PPP1R9A: variants seen among roughly 807,000 people sequenced by gnomAD.
PPP1R9A encodes the protein neurabin-1.
A neutral mutation model predicts 141.9 loss-of-function variants in PPP1R9A; 59 were observed. That is an observed-to-expected ratio of 0.42 (90% confidence interval 0.34 to 0.52). The LOEUF (loss-of-function observed/expected upper bound fraction) is 0.52, where lower values mean the gene tolerates loss of function less well. PPP1R9A is among the 20% of genes least tolerant of loss of function. PPP1R9A has a pLI of 0.10. For synonymous variants in PPP1R9A, 500 were observed against 569.7 expected, an observed-to-expected ratio of 0.88 and a Z score of 1.74; for missense variants, 1,444 against 1,611.9, an observed-to-expected ratio of 0.90 and a Z score of 1.78.
At chr7:95,022,903 G>A (rs1303573535) in intron 2 of PPP1R9A, among the ~76,000 whole-genome samples, 1 of 152,106 alleles carries the variant, frequency 6.6e-6, no homozygotes, top group Non-Finnish European at 1.5e-5. Context: ...GAGGATTTTA[G>A]CATCAATGTT....
intron 12 of PPP1R9A, among the ~76,000 whole-genome samples, chr7:95,259,177 T>G (rs1332045087): frequency 6.6e-6 from 1 of 152,074 alleles, no homozygotes; most frequent in Non-Finnish European, 1.5e-5. Context: ...AGGGATAAAT[T>G]TATGGAATAA....
At chr7:94,959,749 A>C (rs1475922621) in intron 2 of PPP1R9A, among the ~76,000 whole-genome samples, 1 of 151,714 alleles carries the variant, frequency 6.6e-6, no homozygotes, top group Non-Finnish European at 1.5e-5. Context: ...CTGTCACTCT[A>C]ATAGGTCATA....
At chr7:95,082,040 G>T (rs996156794) in intron 2 of PPP1R9A, among the ~76,000 whole-genome samples, 1 of 152,144 alleles carries the variant, frequency 6.6e-6, no homozygotes, top group African/African-American at 2.4e-5. Flanking sequence ...TGTTTGACCT[G>T]TGTGGTGATT....
intron 6 of PPP1R9A, among the ~76,000 whole-genome samples, 193 bp from the exon 7 acceptor site, chr7:95,203,472 C>T (rs990705157): frequency 6.6e-6 from 1 of 152,062 alleles, no homozygotes; most frequent in Admixed American, 6.5e-5. Flanking sequence ...TGTAAATAGA[C>T]TTTATACTGT....
At chr7:95,023,603 G>A (rs1286326565) in intron 2 of PPP1R9A, among the ~76,000 whole-genome samples, 1 of 152,028 alleles carries the variant, frequency 6.6e-6, no homozygotes, top group Non-Finnish European at 1.5e-5. Context: ...GCCCAGGCTG[G>A]AGTGCAGTGG....
chr7:95,181,197 A>T (rs1392212926), intron 5 of PPP1R9A, among the ~76,000 whole-genome samples: 2 of 131,566 alleles, frequency 1.5e-5, no homozygotes, highest in African/African-American at 2.6e-5. Context: ...TATATATAGA[A>T]TATATATAGA....
At chr7:95,094,571 A>G (rs972430884) in intron 2 of PPP1R9A, among the ~76,000 whole-genome samples, 2 of 152,068 alleles carry the variant, frequency 1.3e-5, no homozygotes, top group Non-Finnish European at 2.9e-5. Flanking sequence ...AGTGAGTAGA[A>G]CAAGAATCCT....
At chr7:95,085,167 C>A (rs1038511393) in intron 2 of PPP1R9A, among the ~76,000 whole-genome samples, 1 of 151,858 alleles carries the variant, frequency 6.6e-6, no homozygotes, top group African/African-American at 2.4e-5. Context: ...GTTTATTAAC[C>A]ATTAGATTTT....
At chr7:95,240,711 G>A (rs922239633) in intron 8 of PPP1R9A, among the ~76,000 whole-genome samples, 1 of 151,914 alleles carries the variant, frequency 6.6e-6, no homozygotes, top group Non-Finnish European at 1.5e-5. Context: ...CTTATTAAAT[G>A]TTTAGTCTTC....
intron 8 of PPP1R9A, among the ~76,000 whole-genome samples, chr7:95,240,430 A>C (rs1797279773): frequency 6.6e-6 from 1 of 151,462 alleles, no homozygotes; most frequent in African/African-American, 2.4e-5. Context: ...TTTTTCTAGA[A>C]ATACTGTCAT....
At chr7:95,020,641 A>G (rs1001142563) in intron 2 of PPP1R9A, among the ~76,000 whole-genome samples, 2 of 151,832 alleles carry the variant, frequency 1.3e-5, no homozygotes, top group Non-Finnish European at 2.9e-5. Context: ...TCCCCCAGAC[A>G]GGCCCCTTCT....
At chr7:95,242,190 C>A (rs1797553423) in intron 8 of PPP1R9A, among the ~76,000 whole-genome samples, 1 of 152,114 alleles carries the variant, frequency 6.6e-6, no homozygotes, top group Non-Finnish European at 1.5e-5. Context: ...TTAAAAACAG[C>A]TTTGATTTCT....
At chr7:95,258,361 GTTGT>G (rs1799923677) in intron 12 of PPP1R9A, among the ~76,000 whole-genome samples, 2 of 152,070 alleles carry the variant, frequency 1.3e-5, no homozygotes. Flanking sequence ...TTTTGATGAG[GTTGT>G]TTGTTTTTTT....
intron 2 of PPP1R9A, among the ~76,000 whole-genome samples, chr7:94,951,351 G>A (rs2151031276): frequency 6.6e-6 from 1 of 151,778 alleles, no homozygotes; most frequent in East Asian, 1.9e-4. Context: ...ATTATATATG[G>A]CATTTGGTGT....
chr7:94,914,283 A>G lies in PPP1R9A; in HGVS notation c.1395+2775A>G, dbSNP rs566949685. 1.9e-3 allele frequency among the ~76,000 whole-genome samples: 293 copies of G among 152,272 alleles called. 2 individuals are homozygous for G. The highest frequency in any genetic ancestry group is 6.6e-3 in the African/African-American group (274 of 41,570). ...TATAGATCTTATTTATCATCTTTGT[A>G]TGTGTAATATTGTCCTCAGTGACTA... On this transcript the variant is annotated intron_variant, in intron 2 of 19. Coordinates refer to ENST00000433360, the MANE Select transcript of PPP1R9A (RefSeq NM_001166160.2).
chr7:95,013,224 G>T (rs1022463995), intron 2 of PPP1R9A, among the ~76,000 whole-genome samples: 1 of 152,020 alleles, frequency 6.6e-6, no homozygotes, highest in Non-Finnish European at 1.5e-5. Context: ...AAGGATAGGG[G>T]TTTACCGATG....
At chr7:95,198,327 G>A (rs1486750594) in intron 5 of PPP1R9A, 22 bp from the exon 6 acceptor site, 1 of 1,581,130 alleles carries the variant, frequency 6.3e-7, no homozygotes, top group Admixed American at 1.9e-5. Context: ...TTAAATATTA[G>A]TCTTTGTTAA....
chr7:95,097,232 G>T lies in PPP1R9A; in HGVS notation c.1396-14027G>T, dbSNP rs1818161832. Among the ~76,000 whole-genome samples, 6 of 152,028 alleles carry T rather than the reference G, an allele frequency of 3.9e-5. No homozygotes were observed. In the South Asian group the frequency reaches 1.2e-3, roughly 32 times the overall value. The stretch of plus-strand genomic sequence containing the variant: ...GTAGAGAAGGGGTTTCACCATGTTG[G>T]CCAGGCTGGTCCTGAACTCCTGATC... On this transcript the variant is annotated intron_variant, in intron 2 of 19. Coordinates refer to ENST00000433360, the MANE Select transcript of PPP1R9A (RefSeq NM_001166160.2).
chr7:94,976,608 T>C (rs1354617578), intron 2 of PPP1R9A, among the ~76,000 whole-genome samples: 2 of 152,188 alleles, frequency 1.3e-5, no homozygotes, highest in African/African-American at 4.8e-5. Flanking sequence ...ACATGTTTTA[T>C]TCTTAATGCA....
Sources: allele counts gnomAD v4.1 joint callset (sites outside exome capture counted in the v4.1 genomes callset), GRCh38; gene constraint gnomAD v4.1.1; transcripts MANE v1.5; gene names NCBI Gene and HGNC (gene_info 2026-07-23, HGNC 2026-07-21).